ADAM18: variants seen among roughly 807,000 people sequenced by gnomAD.
ADAM18 encodes disintegrin and metalloproteinase domain-containing protein 18.
In ADAM18, 117 loss-of-function variants were observed where a neutral mutation model predicts 94.4. That is an observed-to-expected ratio of 1.24 (90% CI 1.07 to 1.45). ADAM18 has a LOEUF of 1.45. ADAM18 is among the 40% of genes most tolerant of loss of function. The pLI, the probability that ADAM18 is intolerant of heterozygous loss-of-function variation, is 0.00. For synonymous variants in ADAM18, 327 were observed against 291.6 expected, an observed-to-expected ratio of 1.12 and a Z score of -1.24; for missense variants, 936 against 880.0, an observed-to-expected ratio of 1.06 and a Z score of -0.81.
intron 16 of ADAM18, among the ~76,000 whole-genome samples, chr8:39,684,948 C>T (rs1821569655): frequency 2.0e-5 from 3 of 152,106 alleles, no homozygotes; most frequent in African/African-American, 7.2e-5. Flanking sequence ...TTACTGGTGC[C>T]TGCAGCCCCC....
chr8:39,705,437 T>C (rs1046667261), intron 17 of ADAM18, among the ~76,000 whole-genome samples: 4 of 152,030 alleles, frequency 2.6e-5, no homozygotes, highest in Non-Finnish European at 5.9e-5. Context: ...TGGAATAAGT[T>C]AAAAAGATGC....
chr8:39,588,907 G>A (rs1818487306), intron 2 of ADAM18, among the ~76,000 whole-genome samples: 1 of 152,182 alleles, frequency 6.6e-6, no homozygotes, highest in Admixed American at 6.5e-5. Flanking sequence ...TTTAGATATG[G>A]TCAGGAAGTA....
chr8:39,645,341 C>T lies in ADAM18; in HGVS notation c.913C>T (p.Pro305Ser), dbSNP rs1451424338. The T allele has an allele frequency of 1.9e-6, 3 of 1,604,202 alleles. No individual in the cohort carries two copies. The highest frequency in any genetic ancestry group is 2.6e-6 in the Non-Finnish European group (3 of 1,176,162). Residue 305 changes from proline to serine, a missense_variant, in exon 11 of 20, where the codon CCA (proline) becomes TCA (serine). Coordinates refer to ENST00000265707, the MANE Select transcript of ADAM18 (RefSeq NM_014237.3). ...KSYDAGIAMY[P>S]DAIGLEGFSV... ...TTTTTCATGTCTTTTATTTTAGTAT[C>T]CAGATGCAATAGGTTTGGAGGGATT...
At chr8:39,684,660 T>A (rs1007006503) in intron 16 of ADAM18, among the ~76,000 whole-genome samples, 2 of 152,230 alleles carry the variant, frequency 1.3e-5, no homozygotes, top group African/African-American at 2.4e-5. Flanking sequence ...TGTGCTGGCC[T>A]CACTCTTGCT....
chr8:39,621,101 A>C (rs188749706), intron 6 of ADAM18, among the ~76,000 whole-genome samples: 1 of 152,220 alleles, frequency 6.6e-6, no homozygotes, highest in Non-Finnish European at 1.5e-5. Flanking sequence ...AATACAATTA[A>C]AGAATAGCCA....
intron 16 of ADAM18, among the ~76,000 whole-genome samples, chr8:39,680,532 C>T (rs934673713): frequency 6.6e-6 from 1 of 152,116 alleles, no homozygotes; most frequent in African/African-American, 2.4e-5. Context: ...TTCCATTTTC[C>T]TTGCTTCACA....
At chr8:39,683,060 G>T (rs1821513185) in intron 16 of ADAM18, among the ~76,000 whole-genome samples, 1 of 152,146 alleles carries the variant, frequency 6.6e-6, no homozygotes, top group Non-Finnish European at 1.5e-5. Flanking sequence ...TGGAAAAAAT[G>T]ATGGAATATA....
intron 2 of ADAM18, 92 bp from the exon 3 acceptor site, chr8:39,606,215 G>T: frequency 3.0e-6 from 2 of 674,512 alleles, no homozygotes; most frequent in South Asian, 1.9e-5. Context: ...ATTTTTAATA[G>T]ATAGACTCTT....
intron 16 of ADAM18, among the ~76,000 whole-genome samples, chr8:39,688,964 T>A (rs1585982350): frequency 6.6e-6 from 1 of 152,332 alleles, no homozygotes; most frequent in East Asian, 1.9e-4. Flanking sequence ...TAATGCTCGA[T>A]GATGTTGAGC....
chr8:39,679,921 A>T (rs893723888), intron 15 of ADAM18, 116 bp from the exon 16 acceptor site: 1 of 973,024 alleles, frequency 1.0e-6, no homozygotes, highest in African/African-American at 1.7e-5. Context: ...TCAGTTTGGC[A>T]TTTTTCAGTT....
intron 17 of ADAM18, among the ~76,000 whole-genome samples, chr8:39,694,254 AATT>A (rs948950788): frequency 6.6e-5 from 10 of 151,436 alleles, no homozygotes; most frequent in African/African-American, 2.2e-4. Context: ...TTTCAATTAA[AATT>A]ATTCTTTTAT....
At chr8:39,596,945 A>G (rs1224611325) in intron 2 of ADAM18, among the ~76,000 whole-genome samples, 1 of 152,174 alleles carries the variant, frequency 6.6e-6, no homozygotes, top group Non-Finnish European at 1.5e-5. Context: ...TTAGAGCAGT[A>G]TTAGGTTCAG....
chr8:39,663,654 T>C, intron 12 of ADAM18, 141 bp from the exon 13 acceptor site: 1 of 226,864 alleles, frequency 4.4e-6, no homozygotes. Context: ...GGTAAACTAA[T>C]ACAGCTTCAT....
chr8:39,584,900 G>A (rs949835371), intron 1 of ADAM18, among the ~76,000 whole-genome samples: 2 of 152,132 alleles, frequency 1.3e-5, no homozygotes, highest in African/African-American at 4.8e-5. Flanking sequence ...CATGGTCTCA[G>A]TGGCCCACAC....
At chr8:39,613,681 A>G (rs571584060) in intron 6 of ADAM18, among the ~76,000 whole-genome samples, 4 of 152,324 alleles carry the variant, frequency 2.6e-5, no homozygotes, top group Admixed American at 2.0e-4. Flanking sequence ...AATAAAGATC[A>G]TCAAGATTTA....
chr8:39,612,328 C>G (rs1288680735), intron 6 of ADAM18, among the ~76,000 whole-genome samples: 1 of 152,132 alleles, frequency 6.6e-6, no homozygotes, highest in Non-Finnish European at 1.5e-5. Flanking sequence ...CTGCACAGGG[C>G]TGTTAAGAAC....
chr8:39,654,396 A>G (rs1401241369), intron 12 of ADAM18, among the ~76,000 whole-genome samples: 2 of 150,066 alleles, frequency 1.3e-5, no homozygotes, highest in East Asian at 3.8e-4. Flanking sequence ...TGGCTGAATA[A>G]TATTCTATTG....
chr8:39,709,633 T>C (rs1822341436), intron 18 of ADAM18, among the ~76,000 whole-genome samples: 1 of 152,150 alleles, frequency 6.6e-6, no homozygotes, highest in Admixed American at 6.5e-5. Flanking sequence ...TCCACAGACA[T>C]GTTATTGGGT....
In ADAM18 at chr8:39,701,117, C is replaced by CAAAAAAAAAAAAAAAAAAAA. The variant is rs71237188; in HGVS notation, c.1903-5660_1903-5641dup. On this transcript the variant is annotated intron_variant, in intron 17 of 19. Coordinates refer to ENST00000265707, the MANE Select transcript of ADAM18 (RefSeq NM_014237.3). ...TGGGCGACAGAGCAAGACTCTGTCTCAAAAAAAAAAAAAAAAAAAAAAAAA... is the reference window on the plus strand; with the variant it reads ...TGGGCGACAGAGCAAGACTCTGTCTCAAAAAAAAAAAAAAAAAAAAAAAAAAAAAAAAAAAAAAAAAAAAA... Among the ~76,000 whole-genome samples, 38 of 34,562 alleles carry CAAAAAAAAAAAAAAAAAAAA rather than the reference C, an allele frequency of 1.1e-3. 4 individuals carry two copies. Among genetic ancestry groups the CAAAAAAAAAAAAAAAAAAAA allele is most frequent in the Non-Finnish European group, 1.5e-3 (29 of 19,836 alleles). 22.7% of individuals were successfully genotyped at this position (34,562 alleles called of 152,430 possible).
Sources: allele counts gnomAD v4.1 joint callset (sites outside exome capture counted in the v4.1 genomes callset), GRCh38; gene constraint gnomAD v4.1.1; transcripts MANE v1.5; gene names NCBI Gene and HGNC (gene_info 2026-07-23, HGNC 2026-07-21).